The following CSMD1 variants were observed in gnomAD, a reference collection of about 807,000 sequenced individuals.
The protein encoded by CSMD1 is CUB and Sushi multiple domains 1.
Under a neutral mutation model 417.5 loss-of-function variants are expected in CSMD1, and 213 were observed. That is an observed-to-expected ratio of 0.51 (90% confidence interval 0.46 to 0.57). CSMD1 has a LOEUF of 0.57. Among genes scored for constraint, CSMD1 ranks in the 20% least tolerant of loss-of-function variants. CSMD1 has a pLI of 0.00. For missense variants in CSMD1, 6,923 were observed against 4,529.7 expected, an observed-to-expected ratio of 1.53 and a Z score of -15.17; for synonymous variants, 2,862 against 1,736.8, an observed-to-expected ratio of 1.65 and a Z score of -16.11.
rs191490347 is a variant in CSMD1 at position 4,641,663 on chromosome 8, G to A, written c.86-4105C>T. On this transcript the variant is annotated intron_variant, in intron 1 of 69. Coordinates refer to ENST00000635120, the MANE Select transcript of CSMD1 (RefSeq NM_033225.6). Reference sequence around the variant, plus strand: ...CCACCAAACCCAGTTATATCTCCACGAACAAACACAGCAGGCAACCCAGTG... The same window carrying A: ...CCACCAAACCCAGTTATATCTCCACAAACAAACACAGCAGGCAACCCAGTG... Among the ~76,000 whole-genome samples the A allele has an allele frequency of 4.3e-3, 655 of 152,174 alleles. 2 individuals are homozygous for A. Among genetic ancestry groups the A allele is most frequent in the African/African-American group, 0.015 (629 of 41,508 alleles).
At chr8:4,593,021 T>C (rs867300893) in intron 2 of CSMD1, among the ~76,000 whole-genome samples, 12 of 152,352 alleles carry the variant, frequency 7.9e-5, no homozygotes, top group African/African-American at 2.4e-4. Flanking sequence ...AAATTTCTTA[T>C]TGGTCTACAT....
chr8:4,576,288 G>T (rs1282855645), intron 2 of CSMD1, among the ~76,000 whole-genome samples: 1 of 152,168 alleles, frequency 6.6e-6, no homozygotes, highest in African/African-American at 2.4e-5. Flanking sequence ...TTGCCACAGG[G>T]CATTGCCTGG....
At chr8:3,881,547 T>A (rs563766485) in intron 5 of CSMD1, among the ~76,000 whole-genome samples, 1 of 148,542 alleles carries the variant, frequency 6.7e-6, no homozygotes, top group East Asian at 2.0e-4. Flanking sequence ...TGAGGTTGCA[T>A]TGAGCCAAGA....
At chr8:4,322,440 A>G (rs747430277) in intron 3 of CSMD1, among the ~76,000 whole-genome samples, 3 of 152,178 alleles carry the variant, frequency 2.0e-5, no homozygotes, top group South Asian at 2.1e-4. Context: ...ATATTCTATC[A>G]TAAGAGTAGG....
chr8:4,002,339 T>C (rs542686209), intron 4 of CSMD1, among the ~76,000 whole-genome samples: 3 of 152,320 alleles, frequency 2.0e-5, no homozygotes, highest in African/African-American at 7.2e-5. Context: ...TTCTCCGCTA[T>C]TTTTGTAAGG....
chr8:3,350,645 T>C (rs1032571523), intron 21 of CSMD1, among the ~76,000 whole-genome samples: 8 of 152,232 alleles, frequency 5.3e-5, no homozygotes, highest in Non-Finnish European at 8.8e-5. Context: ...AGGACTTTTA[T>C]TCTAAATAGG....
intron 5 of CSMD1, among the ~76,000 whole-genome samples, chr8:3,907,335 G>C (rs1420852150): frequency 1.3e-5 from 2 of 152,048 alleles, no homozygotes; most frequent in African/African-American, 4.8e-5. Context: ...GTTTCTAAAA[G>C]TTATAATTAG....
intron 2 of CSMD1, among the ~76,000 whole-genome samples, chr8:4,438,386 T>C (rs932044100): frequency 4.6e-5 from 7 of 152,132 alleles, no homozygotes; most frequent in Non-Finnish European, 1.0e-4. Flanking sequence ...TGCAGCTTAA[T>C]TATAAATACA....
chr8:2,969,483 T>A lies in CSMD1; in HGVS notation c.8924-2737A>T, dbSNP rs575837733. ...AAGGAAATATATCTGCAATATAAAT[T>A]CTTTGAGTTGAAGAATTTAAAAAGA... is the stretch of plus-strand genomic sequence containing the variant. On this transcript the variant is annotated intron_variant, in intron 57 of 69. Transcript: ENST00000635120. Among the ~76,000 whole-genome samples, 11 of 152,336 alleles carry A rather than the reference T, an allele frequency of 7.2e-5. No individual in the cohort carries two copies. The South Asian group carries it at 2.1e-3, about 29-fold the overall frequency.
chr8:4,573,011 G>A (rs536438791), intron 2 of CSMD1, among the ~76,000 whole-genome samples: 1 of 152,148 alleles, frequency 6.6e-6, no homozygotes, highest in Non-Finnish European at 1.5e-5. Flanking sequence ...CAAGTGAGCA[G>A]TTCCTGTAAT....
chr8:4,665,998 C>A (rs1394133099), intron 1 of CSMD1, among the ~76,000 whole-genome samples: 4 of 152,296 alleles, frequency 2.6e-5, no homozygotes, highest in Non-Finnish European at 4.4e-5. Flanking sequence ...ATGAACTCTG[C>A]ATCGGCAGCA....
intron 1 of CSMD1, among the ~76,000 whole-genome samples, chr8:4,827,691 G>A (rs939522438): frequency 2.0e-5 from 3 of 152,094 alleles, no homozygotes; most frequent in African/African-American, 7.2e-5. Context: ...AACATCCATT[G>A]AGTAGGTTTT....
intron 7 of CSMD1, among the ~76,000 whole-genome samples, chr8:3,665,751 G>GCT: frequency 6.6e-6 from 1 of 152,122 alleles, no homozygotes; most frequent in Non-Finnish European, 1.5e-5. Flanking sequence ...AATATAGGAA[G>GCT]GTGTTTATCC....
chr8:2,939,288 G>T (rs897275), intron 69 of CSMD1, among the ~76,000 whole-genome samples: 1 of 152,016 alleles, frequency 6.6e-6, no homozygotes, highest in Non-Finnish European at 1.5e-5. Flanking sequence ...CCTTTAGCAC[G>T]GTATGCTTAC....
At chr8:4,154,540 A>G (rs903421035) in intron 3 of CSMD1, among the ~76,000 whole-genome samples, 1 of 152,230 alleles carries the variant, frequency 6.6e-6, no homozygotes, top group Admixed American at 6.5e-5. Context: ...AGCAGAAGCC[A>G]GGACACTATG....
chr8:3,116,323 T>C (rs1039111992), intron 42 of CSMD1, among the ~76,000 whole-genome samples: 2 of 151,704 alleles, frequency 1.3e-5, no homozygotes, highest in Non-Finnish European at 2.9e-5. Context: ...AATATAATAG[T>C]AAAAATGTTT....
rs574267636 is a variant in CSMD1 at position 3,305,550 on chromosome 8, T to G, written c.3950+2145A>C. On this transcript the variant is annotated intron_variant, in intron 25 of 69. Transcript: ENST00000635120. Reference sequence around the variant, plus strand: ...AAAGGTTAAGCTTGGCCCCATTTCCTCTCTGTCTCTAGTGTACTTCCTTGC... The same window carrying G: ...AAAGGTTAAGCTTGGCCCCATTTCCGCTCTGTCTCTAGTGTACTTCCTTGC... 2.8e-4 allele frequency among the ~76,000 whole-genome samples: 43 copies of G among 151,216 alleles called. No homozygotes were observed. The South Asian group carries it at 8.5e-3, about 30-fold the overall frequency.
At chr8:4,069,937 A>G (rs1047765580) in intron 3 of CSMD1, among the ~76,000 whole-genome samples, 2 of 151,956 alleles carry the variant, frequency 1.3e-5, no homozygotes, top group Non-Finnish European at 2.9e-5. Context: ...AAATTGCAGT[A>G]TTATTTTTTC....
chr8:4,556,511 C>T (rs940683146), intron 2 of CSMD1, among the ~76,000 whole-genome samples: 3 of 152,110 alleles, frequency 2.0e-5, no homozygotes, highest in South Asian at 2.1e-4. Flanking sequence ...CCCGAATAAT[C>T]GAATTATCTC....
Sources: allele counts gnomAD v4.1 joint callset (sites outside exome capture counted in the v4.1 genomes callset), GRCh38; gene constraint gnomAD v4.1.1; transcripts MANE v1.5; gene names NCBI Gene and HGNC (gene_info 2026-07-23, HGNC 2026-07-21).